The following MYO16 variants were observed in gnomAD, a reference collection of about 807,000 sequenced individuals.
MYO16 encodes the protein myosin XVI.
Under a neutral mutation model 205.3 loss-of-function variants are expected in MYO16, and 94 were observed. The ratio of observed to expected loss-of-function variants is 0.46; its 90% CI spans 0.39 to 0.54. The LOEUF (loss-of-function observed/expected upper bound fraction) is 0.54. Ranked by LOEUF, MYO16 falls within the 20% of genes least tolerant of loss-of-function variation. The pLI, the probability that MYO16 is intolerant of heterozygous loss-of-function variation, is 0.00. For missense variants in MYO16, 2,315 were observed against 2,387.5 expected, an observed-to-expected ratio of 0.97 and a Z score of 0.63; for synonymous variants, 988 against 954.0, an observed-to-expected ratio of 1.04 and a Z score of -0.66.
At chr13:108,971,349 T>TTATATATATATATATATATATA (rs60564701) in intron 20 of MYO16, among the ~76,000 whole-genome samples, 1 of 144,272 alleles carries the variant, frequency 6.9e-6, no homozygotes, top group African/African-American at 2.6e-5. Flanking sequence ...TGTGTGTTGA[T>TTATATATATATATATATATATA]TATATATATA....
Position 109,140,883 on chromosome 13 carries a change from G to C in MYO16, c.4671G>C (p.Ser1557=). ...AGTACCCCGTGCAGCCGGAGGGGTC[G>C]AGCCCGCTGTCCCCGCAGTACTCCA... ...NLKYPVQPEG[S]SPLSPQYSKS... Residue 1557 remains serine, a synonymous_variant, in exon 32 of 35, where the codon TCG becomes TCC. Transcript: ENST00000457511. This position sits in a 1 kb window ranked among gnomAD's most constrained non-coding sequence, Gnocchi z 8.0. 3.1e-6 allele frequency: 5 copies of C among 1,594,328 alleles called. No individual in the cohort carries two copies. Among genetic ancestry groups the C allele is most frequent in the Non-Finnish European group, 4.3e-6 (5 of 1,172,158 alleles).
At position 108,887,308 on chromosome 13, in the gene MYO16, T is replaced by G. The variant is rs377421905; in HGVS notation, c.1554-1064T>G. On this transcript the variant is annotated intron_variant, in intron 13 of 34. Coordinates refer to ENST00000457511, the MANE Select transcript of MYO16 (RefSeq NM_001198950.3). ...TTTAAACAAATAATTAAATTTCAAC[T>G]TACTTCTTTTCTGGCAAACACTGTT... is the stretch of plus-strand genomic sequence containing the variant. 1.6e-4 allele frequency among the ~76,000 whole-genome samples: 25 copies of G among 152,340 alleles called. No individual in the cohort carries two copies. The East Asian group carries it at 1.7e-3, about 11-fold the overall frequency.
intron 14 of MYO16, among the ~76,000 whole-genome samples, chr13:108,897,719 T>TATC (rs1880496944): frequency 6.6e-6 from 1 of 152,200 alleles, no homozygotes. Flanking sequence ...TAACATTTGT[T>TATC]AAGCTTGGGG....
chr13:108,525,716 G>A, the MYO16 span, among the ~76,000 whole-genome samples: 1 of 152,206 alleles, frequency 6.6e-6, no homozygotes. Context: ...TGGTGGCCTA[G>A]CATGCCAGGT....
chr13:108,712,561 A>C, intron 2 of MYO16, 100 bp from the exon 3 acceptor site: 1 of 1,009,836 alleles, frequency 9.9e-7, no homozygotes, highest in Non-Finnish European at 1.6e-6. Flanking sequence ...TGGTTTTCAC[A>C]GCTGTTTGCA....
rs1351875959 is a variant in MYO16, at chr13:109,207,208, AG to A, written c.*373del. ...TACAGTTGTTTTTCTACGGTTCAAC[AG>A]TCTGTTTATTGTACTTCCAATGGTT... On this transcript the variant is annotated 3_prime_UTR_variant, in exon 35 of 35. Transcript: ENST00000457511. 4.9e-6 allele frequency: 1 copy of A among 202,364 alleles called. No homozygotes were observed. Among genetic ancestry groups the A allele is most frequent in the East Asian group, 1.2e-4 (1 of 8,300 alleles). The allele number at this position is 202,364 out of a possible 1,614,324, so 12.5% of individuals were successfully genotyped here.
intron 34 of MYO16, among the ~76,000 whole-genome samples, chr13:109,196,744 A>G (rs1321235191): frequency 6.6e-6 from 1 of 152,128 alleles, no homozygotes; most frequent in African/African-American, 2.4e-5. Context: ...ATTTCTTTGG[A>G]CGTCAGGTTT....
intron 1 of MYO16, among the ~76,000 whole-genome samples, chr13:108,663,833 C>CT (rs1376821530): frequency 5.9e-5 from 9 of 151,816 alleles, no homozygotes; most frequent in Admixed American, 3.3e-4. Context: ...ATTCTTTAGG[C>CT]TTTTTTTTGT....
intron 24 of MYO16, among the ~76,000 whole-genome samples, chr13:109,048,148 AG>A (rs1463756695): frequency 1.5e-5 from 2 of 129,434 alleles, no homozygotes; most frequent in African/African-American, 2.9e-5. Context: ...TCATGTTAAT[AG>A]GATATGTGTG....
At chr13:108,735,605 G>C (rs867964373) in intron 4 of MYO16, among the ~76,000 whole-genome samples, 1 of 151,350 alleles carries the variant, frequency 6.6e-6, no homozygotes. Context: ...ATAAACATAC[G>C]TGTGCATGTG....
chr13:109,101,415 A>T (rs1247626197), intron 28 of MYO16: 1 of 153,164 alleles, frequency 6.5e-6, no homozygotes, highest in Non-Finnish European at 1.5e-5. Flanking sequence ...CAAAAGCTTC[A>T]TAATTGGAAA....
At chr13:109,202,339 C>G (rs77830797) in intron 34 of MYO16, among the ~76,000 whole-genome samples, 1 of 152,162 alleles carries the variant, frequency 6.6e-6, no homozygotes, top group Non-Finnish European at 1.5e-5. Flanking sequence ...GAAGTGCTCC[C>G]TTTTCACTGC....
At chr13:108,884,594 A>G (rs1028709386) in intron 13 of MYO16, among the ~76,000 whole-genome samples, 5 of 152,078 alleles carry the variant, frequency 3.3e-5, no homozygotes, top group Non-Finnish European at 5.9e-5. Context: ...AGGGGCTCTC[A>G]CCCATTCTAG....
intron 1 of MYO16, among the ~76,000 whole-genome samples, chr13:108,642,156 C>A (rs1289661039): frequency 6.6e-6 from 1 of 152,182 alleles, no homozygotes; most frequent in Admixed American, 6.5e-5. Flanking sequence ...AATAACTTCT[C>A]CTTACCGTTA....
chr13:109,157,603 T>C (rs1878133243), intron 32 of MYO16, among the ~76,000 whole-genome samples: 1 of 152,184 alleles, frequency 6.6e-6, no homozygotes, highest in Non-Finnish European at 1.5e-5. Context: ...CCTGGCCCTT[T>C]GCAACCTTAA....
intron 31 of MYO16, among the ~76,000 whole-genome samples, chr13:109,130,894 T>C (rs541844441): frequency 6.6e-6 from 1 of 152,222 alleles, no homozygotes; most frequent in Non-Finnish European, 1.5e-5. Flanking sequence ...TTAAATTTCA[T>C]TCCTCCATCA....
intron 4 of MYO16, among the ~76,000 whole-genome samples, chr13:108,780,342 A>C (rs1378058838): frequency 7.4e-6 from 1 of 135,256 alleles, no homozygotes. Context: ...TAGTCATAAA[A>C]TTACTGACGT....
intron 28 of MYO16, chr13:109,102,066 A>G (rs1888984839): frequency 6.6e-6 from 1 of 152,136 alleles, no homozygotes; most frequent in Non-Finnish European, 1.5e-5. Flanking sequence ...GTGCCACCCA[A>G]TCTTTTTCTT....
intron 27 of MYO16, among the ~76,000 whole-genome samples, chr13:109,087,665 T>C (rs986438223): frequency 6.6e-6 from 1 of 152,106 alleles, no homozygotes; most frequent in African/African-American, 2.4e-5. Flanking sequence ...AACTAAAAAC[T>C]CCACAACGCT....
Sources: allele counts gnomAD v4.1 joint callset (sites outside exome capture counted in the v4.1 genomes callset), GRCh38; gene constraint gnomAD v4.1.1; non-coding constraint Gnocchi (gnomAD v3.1); transcripts MANE v1.5; gene names NCBI Gene and HGNC (gene_info 2026-07-23, HGNC 2026-07-21).